Variants in THSD4 observed in about 807,000 individuals in gnomAD.
THSD4 encodes thrombospondin type 1 domain containing 4, also known as thrombospondin type-1 domain-containing protein 4.
In THSD4, 69 loss-of-function variants were observed where a neutral mutation model predicts 119.0. The ratio of observed to expected loss-of-function variants is 0.58; its 90% CI spans 0.48 to 0.71. THSD4 has a LOEUF of 0.71. Ranked by LOEUF, THSD4 falls within the 30% of genes least tolerant of loss-of-function variation. THSD4 has a pLI of 0.00. For missense variants in THSD4, 1,393 were observed against 1,391.1 expected, an observed-to-expected ratio of 1.00 and a Z score of -0.02; for synonymous variants, 524 against 540.4, an observed-to-expected ratio of 0.97 and a Z score of 0.42.
In THSD4 at chr15:71,242,856, G is replaced by A. The variant is rs1314069323; in HGVS notation, c.672G>A (p.Leu224=). Residue 224 remains leucine (L), a synonymous_variant, in exon 5 of 18, where the codon TTG becomes TTA. Transcript: ENST00000261862. The part of the protein sequence containing the change: ...PAHQVPQHGP[L]YQSDSGPRSG... ...ACCAGGTCCCCCAACATGGGCCTTT[G>A]TACCAAAGTGACAGTGGCCCTCGCT... The A allele has an allele frequency of 6.2e-7, 1 of 1,614,082 alleles. No individual in the cohort carries two copies. The highest frequency in any genetic ancestry group is 8.5e-7 in the Non-Finnish European group (1 of 1,180,044).
At chr15:71,223,209 T>C (rs2043989249) in intron 4 of THSD4, among the ~76,000 whole-genome samples, 1 of 152,082 alleles carries the variant, frequency 6.6e-6, no homozygotes, top group Admixed American at 6.5e-5. Context: ...GGAGTAAATA[T>C]CTCCTTCAAG....
chr15:71,549,411 G>A (rs1336946305), intron 7 of THSD4, among the ~76,000 whole-genome samples: 5 of 152,052 alleles, frequency 3.3e-5, no homozygotes, highest in African/African-American at 9.7e-5. Flanking sequence ...GCTCCAGAAC[G>A]CCTGAGCTCC....
intron 4 of THSD4, among the ~76,000 whole-genome samples, chr15:71,222,654 C>G (rs1409718710): frequency 6.6e-6 from 1 of 152,094 alleles, no homozygotes; most frequent in African/African-American, 2.4e-5. Flanking sequence ...CCAGAACTTC[C>G]CAGAGCAGTT....
At chr15:71,746,601 C>G (rs1248279188) in intron 12 of THSD4, among the ~76,000 whole-genome samples, 1 of 152,124 alleles carries the variant, frequency 6.6e-6, no homozygotes, top group East Asian at 1.9e-4. Context: ...TGCCATGTTG[C>G]CCAGGCTGGT....
intron 7 of THSD4, among the ~76,000 whole-genome samples, chr15:71,518,227 A>C (rs2048388963): frequency 6.6e-6 from 1 of 151,952 alleles, no homozygotes; most frequent in African/African-American, 2.4e-5. Context: ...ACCCCTTCCA[A>C]ATGTACTCAG....
At chr15:71,457,893 A>G (rs2047362960) in intron 7 of THSD4, among the ~76,000 whole-genome samples, 3 of 152,138 alleles carry the variant, frequency 2.0e-5, no homozygotes, top group Non-Finnish European at 1.5e-5. Flanking sequence ...GTCTTAGTCC[A>G]TCTTCCTCAC....
chr15:71,326,251 A>G (rs2045336053), intron 6 of THSD4, among the ~76,000 whole-genome samples: 1 of 152,160 alleles, frequency 6.6e-6, no homozygotes, highest in Admixed American at 6.5e-5. Context: ...TCTACAGGGT[A>G]GTTGTGAGGG....
At chr15:71,768,965 G>A (rs1410029596) in intron 16 of THSD4, among the ~76,000 whole-genome samples, 3 of 122,056 alleles carry the variant, frequency 2.5e-5, no homozygotes, top group Non-Finnish European at 5.2e-5. Context: ...GGAGGTGGGG[G>A]GGTCGGCCCC....
At chr15:71,193,440 T>C (rs1406411533) in intron 3 of THSD4, among the ~76,000 whole-genome samples, 3 of 152,284 alleles carry the variant, frequency 2.0e-5, no homozygotes, top group Non-Finnish European at 4.4e-5. Context: ...TTGGGATAAC[T>C]GTAATGATAC....
intron 7 of THSD4, among the ~76,000 whole-genome samples, chr15:71,528,550 T>C (rs1295490303): frequency 6.6e-6 from 1 of 152,176 alleles, no homozygotes; most frequent in Non-Finnish European, 1.5e-5. Flanking sequence ...ATAAAATTTC[T>C]CCCCCGTGGT....
At chr15:71,636,192 C>T (rs1375305971) in intron 7 of THSD4, among the ~76,000 whole-genome samples, 2 of 152,126 alleles carry the variant, frequency 1.3e-5, no homozygotes, top group African/African-American at 2.4e-5. Context: ...GAGGCCGAGG[C>T]GGGTGGATCA....
intron 6 of THSD4, among the ~76,000 whole-genome samples, chr15:71,290,892 T>C (rs1393756518): frequency 1.4e-5 from 2 of 145,848 alleles, no homozygotes; most frequent in Non-Finnish European, 3.0e-5. Flanking sequence ...TTTTTTTTTT[T>C]GTTAACTTTT....
At chr15:71,347,257 A>G (rs2045676558) in intron 6 of THSD4, among the ~76,000 whole-genome samples, 1 of 151,758 alleles carries the variant, frequency 6.6e-6, no homozygotes, top group African/African-American at 2.4e-5. Flanking sequence ...TTATATTTTT[A>G]CTGTGTACTC....
chr15:71,602,713 T>C (rs1375843498), intron 7 of THSD4, among the ~76,000 whole-genome samples: 1 of 152,098 alleles, frequency 6.6e-6, no homozygotes, highest in Non-Finnish European at 1.5e-5. Context: ...TGCCAGGGGC[T>C]GGGAGTAGAA....
chr15:71,370,117 C>A (rs13329656), intron 6 of THSD4, among the ~76,000 whole-genome samples: 3 of 151,974 alleles, frequency 2.0e-5, no homozygotes, highest in Non-Finnish European at 4.4e-5. Flanking sequence ...TCTGTGGGAT[C>A]AGCGGTGATA....
At position 71,435,495 on chromosome 15, in the gene THSD4, A is replaced by G. The variant is rs376741593; in HGVS notation, c.1152+23672A>G. Among the ~76,000 whole-genome samples the G allele has an allele frequency of 4.6e-5, 7 of 152,196 alleles. No homozygotes were observed. The East Asian group carries it at 5.8e-4, about 13-fold the overall frequency. ...AAGAGTAGTCTTTTAAATTTAGAGA[A>G]TTTCTTTATCTCATAAGTGACTCAA... On this transcript the variant is annotated intron_variant, in intron 7 of 17. Coordinates refer to ENST00000261862, the MANE Select transcript of THSD4 (RefSeq NM_024817.3).
At chr15:71,169,993 G>A (rs1188541219) in intron 3 of THSD4, among the ~76,000 whole-genome samples, 2 of 152,116 alleles carry the variant, frequency 1.3e-5, no homozygotes, top group African/African-American at 4.8e-5. Flanking sequence ...GGCCAACATG[G>A]TGAAACCCCA....
At chr15:71,409,017 C>T (rs996653697) in intron 6 of THSD4, among the ~76,000 whole-genome samples, 2 of 152,132 alleles carry the variant, frequency 1.3e-5, no homozygotes, top group Non-Finnish European at 1.5e-5. Flanking sequence ...CTCCTAGCTG[C>T]AGATCGGAGA....
At chr15:71,097,229 C>A (rs1174617513) in intron 1 of THSD4, among the ~76,000 whole-genome samples, 9 of 152,130 alleles carry the variant, frequency 5.9e-5, no homozygotes, top group Admixed American at 5.9e-4. Context: ...ATCAACCTGG[C>A]AGCATTGCTA....
Sources: gnomAD v4.1 joint callset for allele counts (sites outside exome capture counted in the v4.1 genomes callset) on GRCh38, gnomAD v4.1.1 for gene constraint, MANE v1.5 for transcripts, NCBI Gene and HGNC (gene_info 2026-07-23, HGNC 2026-07-21) for gene names.